The following IL1RAPL1 variants were observed in gnomAD, a reference collection of about 807,000 sequenced individuals.
The protein encoded by IL1RAPL1 is interleukin 1 receptor accessory protein like 1.
In IL1RAPL1, 3 loss-of-function variants were observed where a neutral mutation model predicts 48.4. The observed-to-expected ratio is 0.06, with a 90% CI of 0.03 to 0.16. The LOEUF (loss-of-function observed/expected upper bound fraction) is 0.16, where lower values mean the gene tolerates loss of function less well. IL1RAPL1 is among the 10% of genes least tolerant of loss of function. IL1RAPL1 has a pLI of 1.00. For synonymous variants in IL1RAPL1, 185 were observed against 187.7 expected, an observed-to-expected ratio of 0.99 and a Z score of 0.12; for missense variants, 349 against 530.6, an observed-to-expected ratio of 0.66 and a Z score of 3.36.
intron 2 of IL1RAPL1, among the ~76,000 whole-genome samples, chrX:28,960,407 C>G (rs997193356): frequency 5.4e-5 from 6 of 111,665 alleles, no homozygotes; most frequent in Admixed American, 9.5e-5. Flanking sequence ...ATAATAGTTA[C>G]GGCTTGAGTC....
chrX:29,330,442 C>T (rs1341649955), intron 3 of IL1RAPL1, among the ~76,000 whole-genome samples: 2 of 111,522 alleles, frequency 1.8e-5, no homozygotes, highest in Admixed American at 9.5e-5. Flanking sequence ...TGGCAGGCGG[C>T]GTCTTTAAAT....
chrX:29,350,540 C>A (rs1933216314), intron 3 of IL1RAPL1, among the ~76,000 whole-genome samples: 2 of 106,849 alleles, frequency 1.9e-5, no homozygotes, highest in Admixed American at 2.0e-4. Flanking sequence ...CATCCAAGAT[C>A]TGTGCATGTT....
chrX:28,973,119 G>T (rs975357560), intron 2 of IL1RAPL1, among the ~76,000 whole-genome samples: 1 of 111,888 alleles, frequency 8.9e-6, no homozygotes, highest in Non-Finnish European at 1.9e-5. Flanking sequence ...TATTTCCAGA[G>T]CATGTGATAC....
intron 6 of IL1RAPL1, among the ~76,000 whole-genome samples, chrX:29,771,497 A>G (rs1373042226): frequency 8.9e-6 from 1 of 111,975 alleles, no homozygotes; most frequent in Non-Finnish European, 1.9e-5. Flanking sequence ...AATAAAATGA[A>G]TGTCTCATTT....
chrX:28,923,765 G>A (rs1923672120), intron 2 of IL1RAPL1, among the ~76,000 whole-genome samples: 1 of 110,572 alleles, frequency 9.0e-6, no homozygotes, highest in South Asian at 3.8e-4. Flanking sequence ...TAAGATGCGA[G>A]GAAAAAGCTT....
chrX:28,681,190 G>T (rs1351277286), intron 1 of IL1RAPL1, among the ~76,000 whole-genome samples: 1 of 110,951 alleles, frequency 9.0e-6, no homozygotes, highest in Non-Finnish European at 1.9e-5. Context: ...AGGTTATCTA[G>T]TTTTTTGACA....
At chrX:29,204,849 T>A (rs1221648481) in intron 2 of IL1RAPL1, among the ~76,000 whole-genome samples, 2 of 111,906 alleles carry the variant, frequency 1.8e-5, no homozygotes, top group Non-Finnish European at 3.8e-5. Flanking sequence ...AAAGGGATGG[T>A]TCCTAGGCCC....
chrX:29,508,494 G>C (rs1386942915), intron 5 of IL1RAPL1, among the ~76,000 whole-genome samples: 1 of 111,713 alleles, frequency 9.0e-6, no homozygotes, highest in African/African-American at 3.3e-5. Context: ...GGATTTCTGA[G>C]GCTAAAATTG....
intron 2 of IL1RAPL1, among the ~76,000 whole-genome samples, chrX:29,108,350 T>C (rs1928489842): frequency 9.0e-6 from 1 of 110,974 alleles, no homozygotes; most frequent in Non-Finnish European, 1.9e-5. Context: ...TTGAGGAGTT[T>C]CCAGTTTATG....
chrX:29,418,051 TGA>T (rs1934238607), intron 5 of IL1RAPL1, among the ~76,000 whole-genome samples: 1 of 99,298 alleles, frequency 1.0e-5, no homozygotes, highest in Non-Finnish European at 2.0e-5. Flanking sequence ...AATTTAAGGA[TGA>T]GAGAAGCACA....
At chrX:29,235,914 A>G (rs1309798380) in intron 2 of IL1RAPL1, among the ~76,000 whole-genome samples, 1 of 112,123 alleles carries the variant, frequency 8.9e-6, no homozygotes, top group African/African-American at 3.2e-5. Flanking sequence ...CCACTTTTTC[A>G]TCAGATTCCA....
At chrX:28,936,447 C>T (rs1376067240) in intron 2 of IL1RAPL1, among the ~76,000 whole-genome samples, 1 of 110,422 alleles carries the variant, frequency 9.1e-6, no homozygotes, top group Non-Finnish European at 1.9e-5. Flanking sequence ...GCTTTTGAGG[C>T]TGCAGTGAGC....
chrX:29,317,099 A>G (rs1193004703), intron 3 of IL1RAPL1, among the ~76,000 whole-genome samples: 4 of 111,480 alleles, frequency 3.6e-5, no homozygotes, highest in Non-Finnish European at 5.7e-5. Context: ...AGCAGGATCA[A>G]TGATTATGTT....
At chrX:29,623,052 C>T (rs1398254236) in intron 5 of IL1RAPL1, among the ~76,000 whole-genome samples, 5 of 106,001 alleles carry the variant, frequency 4.7e-5, no homozygotes, top group Admixed American at 2.1e-4. Flanking sequence ...GGGCGGATCA[C>T]GAGGTCAGGA....
chrX:29,472,984 T>C (rs1352178505), intron 5 of IL1RAPL1, among the ~76,000 whole-genome samples: 1 of 111,699 alleles, frequency 9.0e-6, no homozygotes, highest in Non-Finnish European at 1.9e-5. Flanking sequence ...ATTAGCTTCG[T>C]AGGGCTGCTA....
intron 3 of IL1RAPL1, among the ~76,000 whole-genome samples, chrX:29,313,645 G>A (rs1314338877): frequency 1.8e-5 from 2 of 111,494 alleles, no homozygotes; most frequent in Non-Finnish European, 3.8e-5. Flanking sequence ...TGTCCAGGAA[G>A]CCTAAAAAGG....
intron 1 of IL1RAPL1, among the ~76,000 whole-genome samples, chrX:28,739,227 C>T (rs1276748962): frequency 9.0e-6 from 1 of 111,092 alleles, no homozygotes; most frequent in Non-Finnish European, 1.9e-5. Context: ...ACATTCCTTT[C>T]CTGACCACTC....
intron 5 of IL1RAPL1, among the ~76,000 whole-genome samples, chrX:29,570,422 A>T (rs947710922): frequency 8.9e-6 from 1 of 112,498 alleles, no homozygotes; most frequent in African/African-American, 3.2e-5. Flanking sequence ...TGTGAAAACG[A>T]AACAGTTTAA....
At chrX:28,948,827 A>C (rs767079361) in intron 2 of IL1RAPL1, among the ~76,000 whole-genome samples, 1 of 111,181 alleles carries the variant, frequency 9.0e-6, no homozygotes, top group Non-Finnish European at 1.9e-5. Context: ...GCCTATGCCT[A>C]TGTACCTATG....
Sources: gnomAD v4.1 joint callset for allele counts (sites outside exome capture counted in the v4.1 genomes callset) on GRCh38, gnomAD v4.1.1 for gene constraint, MANE v1.5 for transcripts, NCBI Gene and HGNC (gene_info 2026-07-23, HGNC 2026-07-21) for gene names.